TPP1: variants seen among roughly 807,000 people sequenced by gnomAD.
The protein encoded by TPP1 is tripeptidyl-peptidase 1.
In TPP1, 43 loss-of-function variants were observed where a neutral mutation model predicts 67.6. The ratio of observed to expected loss-of-function variants is 0.64; its 90% CI spans 0.50 to 0.82. TPP1 has a LOEUF of 0.82. Among genes scored for constraint, TPP1 ranks in the 40% least tolerant of loss-of-function variants. The pLI is 0.00. For missense variants in TPP1, 671 were observed against 710.9 expected, an observed-to-expected ratio of 0.94 and a Z score of 0.64; for synonymous variants, 272 against 281.5, an observed-to-expected ratio of 0.97 and a Z score of 0.34.
At position 6,617,431 on chromosome 11, in the gene TPP1, GGAGGTCAGAGAACA is replaced by G. The variant is rs1363424865; in HGVS notation, c.381-17_381-4del. The G allele has an allele frequency of 3.1e-6, 5 of 1,613,406 alleles. No individual in the cohort carries two copies. The highest frequency in any genetic ancestry group is 2.7e-5 in the African/African-American group (2 of 74,318). On this transcript the variant is annotated splice_region_variant and splice_polypyrimidine_tract_variant and intron_variant, in intron 4 of 12. Coordinates refer to ENST00000299427, the MANE Select transcript of TPP1 (RefSeq NM_000391.4). Reference sequence around the variant, plus strand: ...CAGGGAGCAGCAGCTCTGCTTGTCTGGAGGTCAGAGAACAGAGGTCAGAAAGCTCAAAACGGAAC... The same window carrying G: ...CAGGGAGCAGCAGCTCTGCTTGTCTGGAGGTCAGAAAGCTCAAAACGGAAC...
intron 9 of TPP1, 172 bp downstream of exon 9, chr11:6,615,833 A>G (rs1666786778): frequency 1.2e-6 from 1 of 838,490 alleles, no homozygotes; most frequent in South Asian, 1.4e-5. Flanking sequence ...CACACAAGAG[A>G]TTTGGGGCCT....
At position 6,617,385 on chromosome 11, in the gene TPP1, C is replaced by T; in HGVS notation, c.424G>A (p.Val142Met). 1.2e-6 allele frequency: 2 copies of T among 1,614,158 alleles called. No homozygotes were observed. Among genetic ancestry groups the T allele is most frequent in the Non-Finnish European group, 1.7e-6 (2 of 1,180,024 alleles). The change falls in exon 5 of 13, where the codon GTG (valine) becomes ATG (methionine). Residue 142 changes from valine to methionine, a missense_variant. By Grantham distance (21) the Val-to-Met change is conservative. Transcript: ENST00000299427. Reference protein sequence around the residue: ...LLPGAEFHHYVGGPTETHVVR... With the variant: ...LLPGAEFHHYMGGPTETHVVR... ...ACATGGGTTTCCGTAGGTCCTCCCA[C>T]ATAGTGATGAAACTCAGCCCCAGGG... is the stretch of plus-strand genomic sequence containing the variant.
At position 6,619,261 on chromosome 11, in the gene TPP1, T is replaced by C. The variant is rs756251551; in HGVS notation, c.24A>G (p.Leu8=). The change falls in exon 2 of 13, where the codon CTA becomes CTG. Residue 8 remains leucine, a synonymous_variant. Coordinates refer to ENST00000299427, the MANE Select transcript of TPP1 (RefSeq NM_000391.4). ...CAGAGAGGATGAGGGCAAAGAGCCC[T>C]AGGAGGCTGTAGGGGCAGCAGGTGG... MGLQACL[L]GLFALILSGK... 1.9e-6 allele frequency: 3 copies of C among 1,614,078 alleles called. No homozygotes were observed. The highest frequency in any genetic ancestry group is 2.7e-5 in the African/African-American group (2 of 75,018).
In TPP1 at chr11:6,615,827, C is replaced by A. The variant is rs1855572521; in HGVS notation, c.1145+178G>T. On this transcript the variant is annotated intron_variant, in intron 9 of 12. Coordinates refer to ENST00000299427, the MANE Select transcript of TPP1 (RefSeq NM_000391.4). ...GGAACAATGGGAGCTGTATCCCACA[C>A]AAGAGATTTGGGGCCTGGGACCTGC... is the stretch of plus-strand genomic sequence containing the variant. 6.1e-6 allele frequency: 5 copies of A among 826,270 alleles called. No individual in the cohort carries two copies. In the South Asian group the frequency reaches 7.3e-5, roughly 12 times the overall value. The allele number at this position is 826,270 out of a possible 1,614,324, so 51.2% of individuals were successfully genotyped here.
chr11:6,615,168 C>T lies in TPP1; in HGVS notation c.1425+3G>A, dbSNP rs1855559003. On this transcript the variant is annotated splice_donor_region_variant and intron_variant, in intron 11 of 12. Transcript: ENST00000299427. ...GAGAGTTTGGAGATGGGCTGATTCT[C>T]ACCGAGGTTCCGGACACCCATGGAA... The T allele has an allele frequency of 6.2e-7, 1 of 1,614,008 alleles. No homozygotes were observed. Among genetic ancestry groups the T allele is most frequent in the Admixed American group, 1.7e-5 (1 of 60,008 alleles).
At chr11:6,617,473 A>G in intron 4 of TPP1, 45 bp from the exon 5 acceptor site, 1 of 1,613,968 alleles carries the variant, frequency 6.2e-7, no homozygotes, top group Non-Finnish European at 8.5e-7. Flanking sequence ...AACGGAACAG[A>G]AGAAGCTACC....
rs761793068 is a variant in TPP1, at chr11:6,617,413, C to T, written c.396G>A (p.Leu132=). 1 of 1,613,944 alleles carries T rather than the reference C, an allele frequency of 6.2e-7. No individual in the cohort carries two copies. Among genetic ancestry groups the T allele is most frequent in the Admixed American group, 1.7e-5 (1 of 60,022 alleles). Residue 132 remains leucine, a synonymous_variant, in exon 5 of 13, where the codon CTG becomes CTA. Transcript: ENST00000299427. ...AGTGATGAAACTCAGCCCCAGGGAGCAGCAGCTCTGCTTGTCTGGAGGTCA... is the reference window on the plus strand; with the variant it reads ...AGTGATGAAACTCAGCCCCAGGGAGTAGCAGCTCTGCTTGTCTGGAGGTCA... ...CWLSIRQAEL[L]LPGAEFHHYV... is the part of the protein sequence containing the mutation.
intron 2 of TPP1, 96 bp from the exon 3 acceptor site, chr11:6,619,011 G>A: frequency 6.4e-7 from 1 of 1,565,794 alleles, no homozygotes; most frequent in Non-Finnish European, 8.7e-7. Flanking sequence ...AGACCTTGGG[G>A]AGGATCCTAG....
At position 6,619,403 on chromosome 11, in the gene TPP1, T is replaced by C. The variant is rs762785189; in HGVS notation, c.-3A>G. The C allele has an allele frequency of 2.9e-5, 47 of 1,614,114 alleles. No homozygotes were observed. The highest frequency in any genetic ancestry group is 6.6e-5 in the South Asian group (6 of 91,092). On this transcript the variant is annotated 5_prime_UTR_variant, in exon 1 of 13. Transcript: ENST00000299427. ...TCTCACCAGGCTTGGAGTCCCATTC[T>C]GCCCTTCCGCGGATCTGCTGTCATG...
rs550590502 is a variant in TPP1 at position 6,617,099 on chromosome 11, G to A, written c.563C>T (p.Pro188Leu). 46 of 1,614,134 alleles carry A rather than the reference G, an allele frequency of 2.8e-5. No individual in the cohort carries two copies. Among genetic ancestry groups the A allele is most frequent in the Middle Eastern group, 1.6e-4 (1 of 6,062 alleles). ...CAGGCCTACAGTCCCTGTCACCTGCGGCTCAGGACGTTGCCTCAGGGATGA... is the reference window on the plus strand; with the variant it reads ...CAGGCCTACAGTCCCTGTCACCTGCAGCTCAGGACGTTGCCTCAGGGATGA... ...PTSSLRQRPE[P>L]QVTGTVGLHL... Residue 188 changes from proline (P) to leucine (L), a missense_variant, in exon 6 of 13, where the codon CCG becomes CTG. Pro to Leu is a moderately conservative substitution (Grantham distance 98). Transcript: ENST00000299427.
intron 3 of TPP1, 90 bp downstream of exon 3, chr11:6,618,686 C>A: frequency 6.4e-7 from 1 of 1,568,028 alleles, no homozygotes; most frequent in Admixed American, 1.7e-5. Flanking sequence ...AGTGTCTTGG[C>A]AGGCTCTGAC....
chr11:6,612,797 T>C lies in TPP1; in HGVS notation c.*1749A>G, dbSNP rs1444309705. 1 of 152,522 alleles carries C rather than the reference T, an allele frequency of 6.6e-6. No individual in the cohort carries two copies. Among genetic ancestry groups the C allele is most frequent in the Non-Finnish European group, 1.5e-5 (1 of 68,030 alleles). The allele number at this position is 152,522 out of a possible 1,614,324, so 9.4% of individuals were successfully genotyped here. The stretch of plus-strand genomic sequence containing the variant: ...CGGTGTAGCAGACATTTAATTCTTA[T>C]TTGCCAACTCCTGAGCTAGGACCTG... On this transcript the variant is annotated 3_prime_UTR_variant, in exon 13 of 13. Transcript: ENST00000299427.
At position 6,617,127 on chromosome 11, in the gene TPP1, T is replaced by A. The variant is rs1488047336; in HGVS notation, c.535A>T (p.Thr179Ser). ...TCAGGACGTTGCCTCAGGGATGATG[T>A]TGGGGGAAAACGGTGCAGTCCCCCC... ...FVGGLHRFPP[T>S]SSLRQRPEPQ... is the part of the protein sequence containing the mutation. Residue 179 changes from threonine (T) to serine (S), a missense_variant, in exon 6 of 13, where the codon ACA (threonine) becomes TCA (serine). Coordinates refer to ENST00000299427, the MANE Select transcript of TPP1 (RefSeq NM_000391.4). The A allele has an allele frequency of 6.2e-6, 10 of 1,614,092 alleles. No homozygotes were observed. The highest frequency in any genetic ancestry group is 8.5e-6 in the Non-Finnish European group (10 of 1,179,996).
chr11:6,616,284 A>G (rs757347478), intron 8 of TPP1, 31 bp downstream of exon 8: 1 of 1,612,800 alleles, frequency 6.2e-7, no homozygotes, highest in Non-Finnish European at 8.5e-7. Flanking sequence ...CAGAGGTGTA[A>G]GCATTGTCTA....
chr11:6,614,569 G>T lies in TPP1; in HGVS notation c.1669C>A (p.Leu557Met), dbSNP rs1855546019. 6.2e-7 allele frequency: 1 copy of T among 1,614,108 alleles called. No individual in the cohort carries two copies. The highest frequency in any genetic ancestry group is 1.7e-5 in the Admixed American group (1 of 60,016). ...GGTCAGGGGTTGAGTAGAGTCTTCA[G>T]CAAAGCTGGGAAGTTGGGTGTTCCC... ...GWGTPNFPAL[L>M]KTLLNP Residue 557 changes from leucine to methionine, a missense_variant, in exon 13 of 13, where the codon CTG becomes ATG. Transcript: ENST00000299427.
At chr11:6,617,245 C>T in intron 5 of TPP1, 56 bp downstream of exon 5, 7 of 1,613,962 alleles carry the variant, frequency 4.3e-6, no homozygotes, top group Non-Finnish European at 5.1e-6. Flanking sequence ...GGCATCTAAA[C>T]TTCCTCAGCC....
chr11:6,616,151 T>G, intron 8 of TPP1, 77 bp from the exon 9 acceptor site: 3 of 1,598,980 alleles, frequency 1.9e-6, no homozygotes, highest in Non-Finnish European at 2.6e-6. Context: ...GAGGGGAAAT[T>G]TGTTACTGTA....
rs1418885886 is a variant in TPP1 at position 6,612,944 on chromosome 11, G to A, written c.*1602C>T. 6.5e-6 allele frequency: 1 copy of A among 152,672 alleles called. No homozygotes were observed. Among genetic ancestry groups the A allele is most frequent in the Non-Finnish European group, 1.5e-5 (1 of 68,060 alleles). 9.5% of individuals were successfully genotyped at this position (152,672 alleles called of 1,614,324 possible). On this transcript the variant is annotated 3_prime_UTR_variant, in exon 13 of 13. Transcript: ENST00000299427. ...GTGGTCGTTACAATGCTAGAGGTAG[G>A]CACAGGGGGCGCAGTGCAAGGGAGG...
intron 9 of TPP1, 34 bp from the exon 10 acceptor site, chr11:6,615,596 G>A (rs199675007): frequency 6.3e-5 from 102 of 1,613,390 alleles, no homozygotes; most frequent in Admixed American, 1.7e-5. Flanking sequence ...GATAGTAGGG[G>A]ACCCAAGGGG....
Sources: allele counts gnomAD v4.1 joint callset, GRCh38; gene constraint gnomAD v4.1.1; transcripts MANE v1.5; gene names NCBI Gene and HGNC (gene_info 2026-07-23, HGNC 2026-07-21).